REELD1: variants seen among roughly 807,000 people sequenced by gnomAD.
REELD1 encodes the protein reeler domain containing 1, also known as reelin domain-containing protein 1.
A neutral mutation model predicts 6.3 loss-of-function variants in REELD1; 12 were observed. The ratio of observed to expected loss-of-function variants is 1.89; its 90% CI spans 1.21 to 3.07. The LOEUF is 3.07. REELD1 is among the 30% of genes most tolerant of loss of function. The pLI is 0.00. For missense variants in REELD1, 163 were observed against 86.8 expected, an observed-to-expected ratio of 1.88 and a Z score of -3.49; for synonymous variants, 57 against 33.6, an observed-to-expected ratio of 1.70 and a Z score of -2.42.
intron 3 of REELD1, among the ~76,000 whole-genome samples, chr4:146,217,580 T>C (rs972008137): frequency 1.3e-5 from 2 of 152,144 alleles, no homozygotes; most frequent in African/African-American, 4.8e-5. Flanking sequence ...AGGTTAAAAA[T>C]AAGCATAAAA....
In REELD1 at chr4:146,231,450, CTTTGA is replaced by C. The variant is rs1192805037; in HGVS notation, c.*941_*945del. ...TGATCTCATAACCTTATGAAGATTG[CTTTGA>C]TTTAACAGTGGCTCCACAGATACTA... On this transcript the variant is annotated 3_prime_UTR_variant, in exon 8 of 8. Transcript: ENST00000623665. 2.0e-5 allele frequency among the ~76,000 whole-genome samples: 3 copies of C among 152,170 alleles called. No individual in the cohort carries two copies. In the East Asian group the frequency reaches 5.8e-4, roughly 29 times the overall value.
intron 4 of REELD1, among the ~76,000 whole-genome samples, chr4:146,223,048 A>G (rs1409634210): frequency 6.6e-6 from 1 of 152,184 alleles, no homozygotes; most frequent in African/African-American, 2.4e-5. Flanking sequence ...TTGTATATGG[A>G]TGAGAGAGCC....
chr4:146,230,433 G>A lies in REELD1; in HGVS notation c.1501G>A (p.Gly501Arg), dbSNP rs1057009669. 2.3e-5 allele frequency: 9 copies of A among 398,582 alleles called. No individual in the cohort carries two copies. In the South Asian group the frequency reaches 1.1e-3, roughly 51 times the overall value. The allele number at this position is 398,582 out of a possible 1,614,324, so 24.7% of individuals were successfully genotyped here. Reference protein sequence around the residue: ...SGETVHVRKIGENSFVLVQAE... With the variant: ...SGETVHVRKIRENSFVLVQAE... ...TGAGACTGTGCACGTCAGGAAGATT[G>A]GGGAGAACAGTTTTGTTTTGGTTCA... Residue 501 changes from glycine (G) to arginine (R), a missense_variant, in exon 8 of 8, where the codon GGG (glycine) becomes AGG (arginine). Gly to Arg is a moderately radical substitution (Grantham distance 125). Transcript: ENST00000623665.
At chr4:146,228,893 G>A (rs1451674579) in intron 6 of REELD1, 132 bp from the exon 7 acceptor site, 2 of 647,382 alleles carry the variant, frequency 3.1e-6, no homozygotes, top group Non-Finnish European at 5.6e-6. Context: ...CTTCTCTATG[G>A]TTCCTGACTC....
chr4:146,217,620 TA>T (rs1730850103), intron 3 of REELD1, among the ~76,000 whole-genome samples: 1 of 152,236 alleles, frequency 6.6e-6, no homozygotes, highest in Non-Finnish European at 1.5e-5. Flanking sequence ...ACATGATAAC[TA>T]ATCTCTGTAT....
At chr4:146,217,828 G>A (rs1173001126) in intron 3 of REELD1, among the ~76,000 whole-genome samples, 1 of 152,176 alleles carries the variant, frequency 6.6e-6, no homozygotes, top group East Asian at 1.9e-4. Context: ...ACACTTTGGT[G>A]AGATGATGGA....
chr4:146,228,528 G>A lies in REELD1; in HGVS notation c.908+6G>A, dbSNP rs1384738601. ...AGCCTTAGCACCCATCACAGGTAAG[G>A]GTGATGGGTGGGCCATTCAGGACAG... On this transcript the variant is annotated splice_donor_region_variant and intron_variant, in intron 6 of 7. Transcript: ENST00000623665. The A allele has an allele frequency of 2.9e-6, 2 of 698,970 alleles. No individual in the cohort carries two copies. The highest frequency in any genetic ancestry group is 2.0e-5 in the Admixed American group (1 of 49,788). 43.3% of individuals were successfully genotyped at this position (698,970 alleles called of 1,614,324 possible).
rs375181630 is a variant in REELD1, at chr4:146,217,472, G to C, written c.208+312G>C. On this transcript the variant is annotated intron_variant, in intron 3 of 7. Coordinates refer to ENST00000623665, the MANE Select transcript of REELD1 (RefSeq NM_001354631.1). The stretch of plus-strand genomic sequence containing the variant: ...TTGCCCAGTCTGGTCTCGAGCTCCT[G>C]GGCTCAAGTGAACCTCCTGATTCAG... 4.6e-5 allele frequency among the ~76,000 whole-genome samples: 7 copies of C among 152,136 alleles called. No homozygotes were observed. The East Asian group carries it at 5.8e-4, about 13-fold the overall frequency.
chr4:146,227,193 G>A (rs962192808), intron 5 of REELD1, among the ~76,000 whole-genome samples: 2 of 152,220 alleles, frequency 1.3e-5, no homozygotes, highest in African/African-American at 4.8e-5. Context: ...AGCACACAGC[G>A]GGTCTGCAGG....
chr4:146,229,841 A>G, intron 7 of REELD1, 64 bp from the exon 8 acceptor site: 1 of 398,146 alleles, frequency 2.5e-6, no homozygotes, highest in Non-Finnish European at 4.4e-6. Flanking sequence ...TTAGTTACAA[A>G]GTTCAGTGGC....
rs1731144569 is a variant in REELD1, at chr4:146,232,240, G to T, written c.*1727G>T. ...GAACAAATTACCTCTAGGCTTAGTA[G>T]TTGAAAATAAAATCACCACCAACAC... On this transcript the variant is annotated 3_prime_UTR_variant, in exon 8 of 8. Coordinates refer to ENST00000623665, the MANE Select transcript of REELD1 (RefSeq NM_001354631.1). 6.6e-6 allele frequency: 1 copy of T among 152,216 alleles called. No individual in the cohort carries two copies. Among genetic ancestry groups the T allele is most frequent in the Admixed American group, 6.5e-5 (1 of 15,288 alleles). The allele number at this position is 152,216 out of a possible 1,614,324, so 9.4% of individuals were successfully genotyped here.
intron 3 of REELD1, among the ~76,000 whole-genome samples, chr4:146,221,469 T>C (rs1029241805): frequency 6.6e-5 from 10 of 152,234 alleles, no homozygotes; most frequent in African/African-American, 2.4e-4. Context: ...TGCCCTAGTT[T>C]TTCCATAGTC....
At position 146,230,240 on chromosome 4, in the gene REELD1, T is replaced by C; in HGVS notation, c.1308T>C (p.Gly436=). 5.0e-6 allele frequency: 2 copies of C among 398,758 alleles called. No homozygotes were observed. Among genetic ancestry groups the C allele is most frequent in the East Asian group, 3.6e-5 (1 of 28,064 alleles). 24.7% of individuals were successfully genotyped at this position (398,758 alleles called of 1,614,324 possible). ...IGLEGAQAPL[G]IQLRTPQLGI... ...TAGAGGGAGCCCAGGCCCCTCTGGG[T>C]ATCCAGCTCAGAACTCCTCAGCTGG... The change falls in exon 8 of 8, where the codon GGT becomes GGC. Residue 436 remains glycine (G), a synonymous_variant. Transcript: ENST00000623665.
At chr4:146,224,768 G>A (rs140130158) in intron 5 of REELD1, among the ~76,000 whole-genome samples, 160 bp downstream of exon 5, 2 of 152,300 alleles carry the variant, frequency 1.3e-5, no homozygotes, top group African/African-American at 2.4e-5. Context: ...ATGTGATAAC[G>A]CAGCAGTGAG....
In REELD1 at chr4:146,216,944, G is replaced by T; in HGVS notation, c.-9G>T. Reference sequence around the variant, plus strand: ...AGCTGCTGTTTGTCATGATACAGGAGAGGGCAGGATGAGGATGCAGGCTGC... The same window carrying T: ...AGCTGCTGTTTGTCATGATACAGGATAGGGCAGGATGAGGATGCAGGCTGC... On this transcript the variant is annotated splice_region_variant and 5_prime_UTR_variant, in exon 3 of 8. Coordinates refer to ENST00000623665, the MANE Select transcript of REELD1 (RefSeq NM_001354631.1). The T allele has an allele frequency of 2.5e-6, 1 of 398,642 alleles. No homozygotes were observed. Among genetic ancestry groups the T allele is most frequent in the South Asian group, 1.3e-4 (1 of 7,846 alleles). The allele number at this position is 398,642 out of a possible 1,614,324, so 24.7% of individuals were successfully genotyped here. A position where few individuals can be genotyped will look rare whatever the true frequency, so the allele number is the denominator to read the frequency against.
At chr4:146,228,101 G>A in intron 5 of REELD1, 109 bp from the exon 6 acceptor site, 2 of 627,992 alleles carry the variant, frequency 3.2e-6, no homozygotes, top group East Asian at 2.7e-5. Context: ...GTCTCTCCTT[G>A]AGGCATATTA....
At chr4:146,216,369 G>A (rs1208109880) in intron 2 of REELD1, among the ~76,000 whole-genome samples, 1 of 152,186 alleles carries the variant, frequency 6.6e-6, no homozygotes, top group Non-Finnish European at 1.5e-5. Flanking sequence ...GCTAAAAACA[G>A]CCAAAGAAAG....
At chr4:146,219,993 G>T (rs1730893372) in intron 3 of REELD1, among the ~76,000 whole-genome samples, 1 of 152,042 alleles carries the variant, frequency 6.6e-6, no homozygotes, top group Non-Finnish European at 1.5e-5. Flanking sequence ...ACCCAGGTTG[G>T]AGCGCAGTGG....
rs890134529 is a variant in REELD1, at chr4:146,231,732, G to C, written c.*1219G>C. Reference sequence around the variant, plus strand: ...AAAAATTTAATGAGGAATAAGTTCAGTAGCTTTCCAAGGAGAATGAGGCTT... The same window carrying C: ...AAAAATTTAATGAGGAATAAGTTCACTAGCTTTCCAAGGAGAATGAGGCTT... On this transcript the variant is annotated 3_prime_UTR_variant, in exon 8 of 8. Coordinates refer to ENST00000623665, the MANE Select transcript of REELD1 (RefSeq NM_001354631.1). Among the ~76,000 whole-genome samples, 4 of 152,202 alleles carry C rather than the reference G, an allele frequency of 2.6e-5. No individual in the cohort carries two copies. Among genetic ancestry groups the C allele is most frequent in the African/African-American group, 9.7e-5 (4 of 41,446 alleles).
Sources: gnomAD v4.1 joint callset for allele counts (sites outside exome capture counted in the v4.1 genomes callset) on GRCh38, gnomAD v4.1.1 for gene constraint, MANE v1.5 for transcripts, NCBI Gene and HGNC (gene_info 2026-07-23, HGNC 2026-07-21) for gene names.